The following TEX14 variants were observed in gnomAD, a reference collection of about 807,000 sequenced individuals.
TEX14 encodes the protein testis expressed 14, intercellular bridge forming factor.
A neutral mutation model predicts 178.6 loss-of-function variants in TEX14; 168 were observed. The observed-to-expected ratio is 0.94, with a 90% CI of 0.83 to 1.07. TEX14 has a LOEUF of 1.07. TEX14 is among the 50% of genes least tolerant of loss of function. The probability of loss-of-function intolerance (pLI) is 0.00; values close to 1 mark genes in which losing one functional copy is unlikely to be tolerated. For synonymous variants in TEX14, 626 were observed against 634.1 expected (o/e 0.99, Z 0.19); for missense variants, 1,730 against 1,753.6 (o/e 0.99, Z 0.24).
chr17:58,673,306 A>AT (rs1455644878), intron 1 of TEX14, among the ~76,000 whole-genome samples: 8 of 151,608 alleles, frequency 5.3e-5, no homozygotes, highest in Admixed American at 2.0e-4. Flanking sequence ...TGGCGAAACC[A>AT]TAAAAAAAAA....
At chr17:58,615,953 G>C (rs1035670111) in intron 7 of TEX14, among the ~76,000 whole-genome samples, 2 of 152,136 alleles carry the variant, frequency 1.3e-5, no homozygotes, top group Admixed American at 6.6e-5. Context: ...TAGAGACCAG[G>C]GACTTCTAAA....
Position 58,565,050 on chromosome 17 carries a change from A to C in TEX14, c.3965-82T>G, listed in dbSNP as rs932292075. On this transcript the variant is annotated intron_variant, in intron 27 of 31. Transcript: ENST00000349033. ...TGCCTTAAAATAGAGTGCAAAAATT[A>C]AGGCCAATCAGTGGTCCCTGAAGTG... 19 of 831,394 alleles carry C rather than the reference A, an allele frequency of 2.3e-5. No homozygotes were observed. The African/African-American group carries it at 3.0e-4, about 13-fold the overall frequency. The allele number at this position is 831,394 out of a possible 1,614,324, so 51.5% of individuals were successfully genotyped here.
chr17:58,642,205 A>T (rs1404006329), intron 2 of TEX14, among the ~76,000 whole-genome samples: 2 of 152,152 alleles, frequency 1.3e-5, no homozygotes, highest in Non-Finnish European at 2.9e-5. Flanking sequence ...TAGTCACTTA[A>T]CTTCCTGCTG....
intron 9 of TEX14, 29 bp from the exon 10 acceptor site, chr17:58,611,368 A>C: frequency 1.3e-6 from 2 of 1,574,042 alleles, no homozygotes; most frequent in Middle Eastern, 2.1e-4. Context: ...ATGCCACGAA[A>C]AAAAAAAGGA....
chr17:58,680,247 G>A (rs2047478794), intron 1 of TEX14, among the ~76,000 whole-genome samples: 1 of 152,024 alleles, frequency 6.6e-6, no homozygotes, highest in South Asian at 2.1e-4. Flanking sequence ...TGCTATACAC[G>A]TAACCTGAGT....
In TEX14 at chr17:58,652,129, A is replaced by G. The variant is rs542972899; in HGVS notation, c.-1-127T>C. On this transcript the variant is annotated intron_variant, in intron 1 of 31. Coordinates refer to ENST00000349033, the MANE Select transcript of TEX14 (RefSeq NM_031272.5). ...AATAATGAAGATTAGGGGAATAATT[A>G]TTGAAACTCTATGAGATTAATGTTT... is the stretch of plus-strand genomic sequence containing the variant. 7.3e-5 allele frequency: 49 copies of G among 667,534 alleles called. No individual in the cohort carries two copies. The African/African-American group carries it at 8.6e-4, about 12-fold the overall frequency. The allele number at this position is 667,534 out of a possible 1,614,324, so 41.4% of individuals were successfully genotyped here.
chr17:58,631,407 T>G (rs943389201), intron 2 of TEX14, among the ~76,000 whole-genome samples: 3 of 152,146 alleles, frequency 2.0e-5, no homozygotes, highest in African/African-American at 4.8e-5. Context: ...GAGCCGAAAT[T>G]GTGCCATTGC....
intron 18 of TEX14, 39 bp from the exon 19 acceptor site, chr17:58,584,639 T>C (rs951375495): frequency 7.5e-6 from 11 of 1,471,254 alleles, no homozygotes; most frequent in Non-Finnish European, 9.5e-6. Context: ...AGTCATTCAG[T>C]GATATTCAGA....
intron 2 of TEX14, among the ~76,000 whole-genome samples, chr17:58,644,428 G>C (rs1346481462): frequency 6.6e-6 from 1 of 152,154 alleles, no homozygotes; most frequent in East Asian, 1.9e-4. Context: ...AGCCTTCCAG[G>C]TTCAAGCACT....
chr17:58,611,368 A>G (rs2144515307), intron 9 of TEX14, 29 bp from the exon 10 acceptor site: 3 of 1,574,042 alleles, frequency 1.9e-6, no homozygotes, highest in South Asian at 1.1e-5. Flanking sequence ...ATGCCACGAA[A>G]AAAAAAAGGA....
intron 2 of TEX14, chr17:58,631,610 T>C (rs896136341): frequency 2.9e-4 from 43 of 147,200 alleles, no homozygotes; most frequent in African/African-American, 6.4e-4. Context: ...AACCAACTAC[T>C]ATTAACATCT....
intron 1 of TEX14, among the ~76,000 whole-genome samples, chr17:58,670,560 G>C (rs528676571): frequency 6.6e-6 from 1 of 151,940 alleles, no homozygotes; most frequent in South Asian, 2.1e-4. Flanking sequence ...GATCACTTGA[G>C]GTCAGGTGTT....
chr17:58,683,373 C>A (rs947989536), intron 1 of TEX14, among the ~76,000 whole-genome samples: 1 of 148,204 alleles, frequency 6.7e-6, no homozygotes, highest in Non-Finnish European at 1.5e-5. Context: ...ACTCCATCCC[C>A]CCCCCCAAAA....
At position 58,572,106 on chromosome 17, in the gene TEX14, T is replaced by C; in HGVS notation, c.3532A>G (p.Ser1178Gly). ...CTTTCAAGGCAGTCTTTATACTGAC[T>C]GGCAGCTGAAGAAACGGACCCTGTT... is the stretch of plus-strand genomic sequence containing the variant. Reference protein sequence around the residue: ...LSPGSVSSAASQYKDCLESIT... With the variant: ...LSPGSVSSAAGQYKDCLESIT... Residue 1178 changes from serine to glycine, a missense_variant, in exon 24 of 32, where the codon AGT (serine) becomes GGT (glycine). Physicochemically the swap from Ser to Gly is moderately conservative, Grantham distance 56. This residue lies in a region of TEX14 where 941 missense variants were observed against 1,072.4 expected (regional missense o/e 0.88). Transcript: ENST00000349033. 3 of 1,608,222 alleles carry C rather than the reference T, an allele frequency of 1.9e-6. No individual in the cohort carries two copies. The highest frequency in any genetic ancestry group is 2.6e-6 in the Non-Finnish European group (3 of 1,175,036).
intron 3 of TEX14, among the ~76,000 whole-genome samples, chr17:58,625,381 C>T (rs930147593): frequency 3.9e-5 from 6 of 152,082 alleles, no homozygotes; most frequent in Admixed American, 2.6e-4. Flanking sequence ...GTGATCTGCC[C>T]GCCTCATCCT....
intron 1 of TEX14, among the ~76,000 whole-genome samples, chr17:58,662,443 A>G (rs937470054): frequency 6.6e-6 from 1 of 151,866 alleles, no homozygotes; most frequent in African/African-American, 2.4e-5. Context: ...ACACACACAC[A>G]CACACACACA....
At position 58,604,860 on chromosome 17, in the gene TEX14, C is replaced by T. The variant is rs1037123370; in HGVS notation, c.1336+118G>A. ...ACAGGCGTGAGCCACTGCTCCCAGC[C>T]AAGAAGTCTCTTTTTAATAAGTCTT... is the stretch of plus-strand genomic sequence containing the variant. On this transcript the variant is annotated intron_variant, in intron 11 of 31. Transcript: ENST00000349033. 4 of 1,210,544 alleles carry T rather than the reference C, an allele frequency of 3.3e-6. No individual in the cohort carries two copies. The African/African-American group carries it at 6.1e-5, about 18-fold the overall frequency. The allele number at this position is 1,210,544 out of a possible 1,614,324, so 75.0% of individuals were successfully genotyped here. A position where few individuals can be genotyped will look rare whatever the true frequency, so the allele number is the denominator to read the frequency against.
At chr17:58,594,483 TG>T (rs1404632965) in intron 14 of TEX14, among the ~76,000 whole-genome samples, 1 of 151,898 alleles carries the variant, frequency 6.6e-6, no homozygotes, top group African/African-American at 2.4e-5. Context: ...CCTGAGTAGC[TG>T]GGATTACAGG....
Position 58,581,857 on chromosome 17 carries a change from ACT to A in TEX14, c.3172-2128_3172-2127del, listed in dbSNP as rs2044829853. The A allele has an allele frequency of 7.0e-6, 7 of 1,006,290 alleles. No individual in the cohort carries two copies. In the South Asian group the frequency reaches 1.1e-4, roughly 16 times the overall value. 62.3% of individuals were successfully genotyped at this position (1,006,290 alleles called of 1,614,324 possible). A position where few individuals can be genotyped will look rare whatever the true frequency, so the allele number is the denominator to read the frequency against. On this transcript the variant is annotated intron_variant, in intron 19 of 31. Transcript: ENST00000349033. Reference sequence around the variant, plus strand: ...CAGCAGTCAGTGTGACACTGAGCTGACTCTCCCTACCTCTTTGTGCATGTGCC... The same window carrying A: ...CAGCAGTCAGTGTGACACTGAGCTGACTCCCTACCTCTTTGTGCATGTGCC...
Sources: allele counts gnomAD v4.1 joint callset (sites outside exome capture counted in the v4.1 genomes callset), GRCh38; gene constraint gnomAD v4.1.1; regional missense constraint gnomAD v4.1.1; transcripts MANE v1.5; gene names NCBI Gene and HGNC (gene_info 2026-07-23, HGNC 2026-07-21).